Variants in PJA2 observed in about 807,000 individuals in gnomAD.
The protein encoded by PJA2 is praja ring finger ubiquitin ligase 2, also known as E3 ubiquitin-protein ligase Praja-2.
PJA2 carries 25 observed loss-of-function variants against 69.3 expected under a neutral mutation model. That is an observed-to-expected ratio of 0.36 (90% CI 0.26 to 0.50). The LOEUF is 0.50. Ranked by LOEUF, PJA2 falls within the 20% of genes least tolerant of loss-of-function variation. PJA2 has a pLI of 0.96. For missense variants in PJA2, 809 were observed against 830.2 expected (o/e 0.97, Z 0.31); for synonymous variants, 308 against 277.8 (o/e 1.11, Z -1.08).
intron 9 of PJA2, among the ~76,000 whole-genome samples, chr5:109,342,050 G>C (rs1762076031): frequency 7.6e-6 from 1 of 132,408 alleles, no homozygotes; most frequent in Non-Finnish European, 1.7e-5. Context: ...GGAGGGAGGT[G>C]GGGGGGTCAG....
intron 5 of PJA2, among the ~76,000 whole-genome samples, chr5:109,364,389 C>A (rs181763): frequency 6.6e-6 from 1 of 151,376 alleles, no homozygotes; most frequent in Non-Finnish European, 1.5e-5. Flanking sequence ...TTTGGGAGGC[C>A]GAGGCGGGCG....
chr5:109,344,020 C>A (rs1466599831), intron 9 of PJA2, among the ~76,000 whole-genome samples, 170 bp downstream of exon 9: 1 of 150,818 alleles, frequency 6.6e-6, no homozygotes, highest in Non-Finnish European at 1.5e-5. Flanking sequence ...TCGCTTGAAC[C>A]CTGGAGGCAG....
At chr5:109,392,148 C>T (rs1747295625) in intron 1 of PJA2, among the ~76,000 whole-genome samples, 1 of 151,984 alleles carries the variant, frequency 6.6e-6, no homozygotes, top group African/African-American at 2.4e-5. Flanking sequence ...AAAGTTATCA[C>T]TAAAAAGAAC....
chr5:109,363,190 A>G (rs1762529549), intron 5 of PJA2, among the ~76,000 whole-genome samples, 168 bp from the exon 6 acceptor site: 2 of 152,232 alleles, frequency 1.3e-5, no homozygotes, highest in South Asian at 4.1e-4. Context: ...TAAAAAAAGG[A>G]AAGAAATCAG....
At chr5:109,383,609 T>A in intron 1 of PJA2, 89 bp from the exon 2 acceptor site, 1 of 496,986 alleles carries the variant, frequency 2.0e-6, no homozygotes, top group East Asian at 3.2e-5. Context: ...TGAAGTCTTA[T>A]AATAAAACTT....
At chr5:109,409,301 C>T (rs1201259858) in intron 1 of PJA2, 1 of 152,262 alleles carries the variant, frequency 6.6e-6, no homozygotes, top group Admixed American at 6.5e-5. Flanking sequence ...GCCTCACTGA[C>T]AATCGGGGAA....
In PJA2 at chr5:109,378,953, A is replaced by C; in HGVS notation, c.534T>G (p.Asn178Lys). ...YDPDGKHGED[N>K]DHLQLSAEVV... ...CTTCTGCAGAAAGTTGAAGATGGTC[A>C]TTATCTTCTCCATGTTTGCCATCTG... The change falls in exon 4 of 10, where the codon AAT becomes AAG. Residue 178 changes from asparagine (N) to lysine (K), a missense_variant. Asn to Lys is a moderately conservative substitution (Grantham distance 94, BLOSUM62 0). Transcript: ENST00000361189. 1 of 1,614,178 alleles carries C rather than the reference A, an allele frequency of 6.2e-7. No homozygotes were observed. The highest frequency in any genetic ancestry group is 8.5e-7 in the Non-Finnish European group (1 of 1,180,028).
At chr5:109,394,921 A>C (rs893151971) in intron 1 of PJA2, among the ~76,000 whole-genome samples, 1 of 152,212 alleles carries the variant, frequency 6.6e-6, no homozygotes, top group Admixed American at 6.5e-5. Flanking sequence ...GGGGGTGAAT[A>C]GTAGAAAAGA....
intron 7 of PJA2, among the ~76,000 whole-genome samples, chr5:109,353,409 C>A (rs1337487646): frequency 8.4e-6 from 1 of 118,614 alleles, no homozygotes; most frequent in South Asian, 2.7e-4. Context: ...ATACCTATAT[C>A]TATAGACATC....
intron 7 of PJA2, among the ~76,000 whole-genome samples, chr5:109,348,040 C>T (rs548244685): frequency 6.6e-6 from 1 of 152,160 alleles, no homozygotes; most frequent in African/African-American, 2.4e-5. Context: ...GAGCTCCTTG[C>T]CAATGAGAAT....
chr5:109,404,136 C>T (rs1747626968), intron 1 of PJA2, among the ~76,000 whole-genome samples: 1 of 152,066 alleles, frequency 6.6e-6, no homozygotes, highest in African/African-American at 2.4e-5. Context: ...AGAATGGGAA[C>T]ATCCTCAATA....
chr5:109,392,175 A>T (rs567905927), intron 1 of PJA2, among the ~76,000 whole-genome samples: 1 of 152,290 alleles, frequency 6.6e-6, no homozygotes, highest in Admixed American at 6.5e-5. Flanking sequence ...CAAAGAGGTA[A>T]CTCTTTCAGA....
chr5:109,380,804 CAAAA>C (rs34675958), intron 3 of PJA2, among the ~76,000 whole-genome samples: 1 of 88,732 alleles, frequency 1.1e-5, no homozygotes, highest in Admixed American at 1.3e-4. Context: ...GATTCCATCT[CAAAA>C]AAAAAAAAAA....
At chr5:109,380,933 G>A (rs1747032444) in intron 3 of PJA2, among the ~76,000 whole-genome samples, 1 of 151,844 alleles carries the variant, frequency 6.6e-6, no homozygotes, top group South Asian at 2.1e-4. Context: ...TGGCCAACGT[G>A]GTGAAACCCT....
chr5:109,403,256 G>GA (rs1314938934), intron 1 of PJA2, among the ~76,000 whole-genome samples: 5 of 152,018 alleles, frequency 3.3e-5, no homozygotes, highest in Non-Finnish European at 5.9e-5. Context: ...TGCCTTGAAA[G>GA]ACAAAAACTA....
chr5:109,399,150 G>T (rs1415953791), intron 1 of PJA2, among the ~76,000 whole-genome samples: 4 of 149,746 alleles, frequency 2.7e-5, no homozygotes, highest in Non-Finnish European at 5.9e-5. Flanking sequence ...GGCAGAGGTT[G>T]CAGTGAGCCG....
At chr5:109,396,779 CAGGGGT>C (rs1468453888) in intron 1 of PJA2, among the ~76,000 whole-genome samples, 702 of 29,512 alleles carry the variant, frequency 0.024, 7 homozygotes, top group African/African-American at 0.091. Flanking sequence ...AAAAAAAAGG[CAGGGGT>C]GGGGGTGGGG....
intron 9 of PJA2, among the ~76,000 whole-genome samples, chr5:109,340,474 T>G (rs900424542): frequency 1.3e-5 from 2 of 151,768 alleles, no homozygotes; most frequent in African/African-American, 4.8e-5. Flanking sequence ...TATTCCTAAG[T>G]AGATAATTTG....
intron 1 of PJA2, among the ~76,000 whole-genome samples, chr5:109,386,895 TA>T (rs1747171719): frequency 6.6e-6 from 1 of 152,190 alleles, no homozygotes; most frequent in Non-Finnish European, 1.5e-5. Flanking sequence ...AAATAGCTGG[TA>T]TTCTATAATT....
Sources: gnomAD v4.1 joint callset for allele counts (sites outside exome capture counted in the v4.1 genomes callset) on GRCh38, gnomAD v4.1.1 for gene constraint, MANE v1.5 for transcripts, NCBI Gene and HGNC (gene_info 2026-07-23, HGNC 2026-07-21) for gene names.